BCAR3: variants seen among roughly 807,000 people sequenced by gnomAD.
BCAR3 encodes the protein breast cancer anti-estrogen resistance protein 3.
BCAR3 carries 37 observed loss-of-function variants against 80.1 expected under a neutral mutation model. The ratio of observed to expected loss-of-function variants is 0.46; its 90% CI spans 0.36 to 0.61. The LOEUF (loss-of-function observed/expected upper bound fraction) is 0.61. BCAR3 is among the 20% of genes least tolerant of loss of function. BCAR3 has a pLI of 0.00. For synonymous variants in BCAR3, 389 were observed against 418.9 expected (o/e 0.93, Z 0.87); for missense variants, 978 against 1,068.2 (o/e 0.92, Z 1.18).
intron 3 of BCAR3, among the ~76,000 whole-genome samples, chr1:93,633,789 C>A (rs78439143): frequency 0.034 from 5,200 of 152,280 alleles, 130 homozygotes; most frequent in East Asian, 0.12. Flanking sequence ...CGCATGCCAC[C>A]ATGCCCGGGT....
At chr1:93,676,356 A>G (rs1440340003) in intron 1 of BCAR3, among the ~76,000 whole-genome samples, 1 of 152,242 alleles carries the variant, frequency 6.6e-6, no homozygotes, top group Non-Finnish European at 1.5e-5. Flanking sequence ...AACAAAACAC[A>G]CACGTTCCAC....
At chr1:93,661,764 C>T (rs1198980640) in intron 2 of BCAR3, among the ~76,000 whole-genome samples, 1 of 152,224 alleles carries the variant, frequency 6.6e-6, no homozygotes, top group Non-Finnish European at 1.5e-5. Flanking sequence ...GTTGGGATTA[C>T]AGGTGTTAGC....
intron 11 of BCAR3, among the ~76,000 whole-genome samples, chr1:93,563,365 A>G (rs952010855): frequency 4.6e-5 from 7 of 151,980 alleles, no homozygotes; most frequent in African/African-American, 1.7e-4. Flanking sequence ...ATTATTCCAT[A>G]TGTTGCATGC....
At chr1:93,718,688 C>CTTTTTTTTTTTT (rs71094259) in intron 2 of BCAR3, among the ~76,000 whole-genome samples, 1 of 77,042 alleles carries the variant, frequency 1.3e-5, no homozygotes. Context: ...CATTGTTTTT[C>CTTTTTTTTTTTT]TTTTTTTTTT....
intron 2 of BCAR3, among the ~76,000 whole-genome samples, chr1:93,710,864 G>A (rs375820050): frequency 3.3e-4 from 50 of 152,226 alleles, no homozygotes; most frequent in African/African-American, 8.9e-4. Context: ...AGCTTAGCTC[G>A]ATGGTTCTGG....
At chr1:93,582,228 G>C (rs1673735354) in intron 7 of BCAR3, 73 bp downstream of exon 7, 1 of 1,532,954 alleles carries the variant, frequency 6.5e-7, no homozygotes, top group Non-Finnish European at 8.8e-7. Context: ...ACAAAAGCCA[G>C]AGGAGCACCG....
intron 3 of BCAR3, among the ~76,000 whole-genome samples, chr1:93,701,427 T>C (rs1218971665): frequency 6.6e-6 from 1 of 152,206 alleles, no homozygotes; most frequent in Non-Finnish European, 1.5e-5. Flanking sequence ...AGGGCATTGA[T>C]GCCCTCATGT....
chr1:93,764,222 G>A (rs1299464497), intron 2 of BCAR3, among the ~76,000 whole-genome samples: 2 of 151,856 alleles, frequency 1.3e-5, no homozygotes, highest in South Asian at 2.1e-4. Context: ...GTGTGTCTGC[G>A]CTTCTCAATC....
intron 2 of BCAR3, among the ~76,000 whole-genome samples, chr1:93,827,465 G>A (rs536798783): frequency 3.9e-5 from 6 of 152,178 alleles, no homozygotes; most frequent in South Asian, 2.1e-4. Context: ...AGCTCCCTCC[G>A]AGAGGGCTGT....
intron 2 of BCAR3, among the ~76,000 whole-genome samples, chr1:93,809,270 GAA>G (rs1329392917): frequency 1.4e-4 from 22 of 152,036 alleles, no homozygotes; most frequent in Admixed American, 1.4e-3. Flanking sequence ...TATCACTGTA[GAA>G]AGTCAATAGA....
At position 93,606,293 on chromosome 1, in the gene BCAR3, A is replaced by T. The variant is rs191789632; in HGVS notation, c.358-13900T>A. On this transcript the variant is annotated intron_variant, in intron 3 of 11. Coordinates refer to ENST00000260502, the MANE Select transcript of BCAR3 (RefSeq NM_003567.4). ...CTGGACTTAAAGACACAAGATACTC[A>T]ACCCAATACAACTCAGATCTCATGA... Among the ~76,000 whole-genome samples the T allele has an allele frequency of 4.7e-3, 721 of 152,358 alleles. 12 individuals are homozygous for T. Among genetic ancestry groups the T allele is most frequent in the African/African-American group, 0.017 (701 of 41,578 alleles).
chr1:93,682,923 A>C (rs1419240492), upstream of BCAR3, among the ~76,000 whole-genome samples: 2 of 152,190 alleles, frequency 1.3e-5, no homozygotes, highest in African/African-American at 2.4e-5. Context: ...AAAAATCTTC[A>C]TTACCTTGGG....
chr1:93,678,299 G>A (rs931811001), intron 1 of BCAR3, among the ~76,000 whole-genome samples: 2 of 152,136 alleles, frequency 1.3e-5, no homozygotes, highest in Admixed American at 6.5e-5. Flanking sequence ...TGATGATGAA[G>A]GAGTATCATT....
chr1:93,577,767 G>C (rs1161689172), intron 7 of BCAR3, among the ~76,000 whole-genome samples: 1 of 150,870 alleles, frequency 6.6e-6, no homozygotes, highest in East Asian at 1.9e-4. Flanking sequence ...GTACTTCTGA[G>C]GGGTGTCCCC....
chr1:93,689,257 C>A (rs767756995), intron 3 of BCAR3, among the ~76,000 whole-genome samples: 2 of 151,888 alleles, frequency 1.3e-5, no homozygotes, highest in Non-Finnish European at 2.9e-5. Flanking sequence ...GAGGTTGAGG[C>A]CAGTGGATCA....
chr1:93,567,560 C>A, intron 10 of BCAR3, 69 bp from the exon 11 acceptor site: 1 of 1,548,092 alleles, frequency 6.5e-7, no homozygotes, highest in South Asian at 1.2e-5. Flanking sequence ...TGAGGTGACT[C>A]ATAGCCCTTG....
intron 2 of BCAR3, among the ~76,000 whole-genome samples, chr1:93,667,221 C>G (rs939882613): frequency 2.6e-5 from 4 of 152,210 alleles, no homozygotes; most frequent in African/African-American, 9.6e-5. Flanking sequence ...GCCAGGCGTC[C>G]CAGCAGAGCT....
chr1:93,562,505 C>G (rs569957911), intron 11 of BCAR3, 86 bp from the exon 12 acceptor site: 2 of 1,322,016 alleles, frequency 1.5e-6, no homozygotes, highest in Non-Finnish European at 2.1e-6. Flanking sequence ...CGCGGTGGCT[C>G]ACGCCTGTAA....
chr1:93,810,702 ATCAGT>A (rs1653812432), intron 2 of BCAR3, among the ~76,000 whole-genome samples: 1 of 152,230 alleles, frequency 6.6e-6, no homozygotes, highest in Admixed American at 6.5e-5. Context: ...TAGGGAGTTA[ATCAGT>A]ACTGTGCAAA....
Sources: allele counts gnomAD v4.1 joint callset (sites outside exome capture counted in the v4.1 genomes callset), GRCh38; gene constraint gnomAD v4.1.1; transcripts MANE v1.5; gene names NCBI Gene and HGNC (gene_info 2026-07-23, HGNC 2026-07-21).